Variants in HHLA2 observed in about 807,000 individuals in gnomAD.
The protein encoded by HHLA2 is HERV-H LTR-associating protein 2.
Under a neutral mutation model 45.9 loss-of-function variants are expected in HHLA2, and 48 were observed. The ratio of observed to expected loss-of-function variants is 1.05; its 90% confidence interval spans 0.83 to 1.33. The LOEUF (loss-of-function observed/expected upper bound fraction) is 1.33, where lower values mean the gene tolerates loss of function less well. Ranked by LOEUF, HHLA2 falls within the 40% of genes most tolerant of loss-of-function variation. The pLI is 0.00. For synonymous variants in HHLA2, 161 were observed against 173.9 expected (o/e 0.93, Z 0.59); for missense variants, 462 against 494.3 (o/e 0.93, Z 0.62).
chr3:108,376,753 T>C (rs2082283055), intron 10 of HHLA2, 196 bp downstream of exon 9: 1 of 494,390 alleles, frequency 2.0e-6, no homozygotes, highest in African/African-American at 2.0e-5. Flanking sequence ...AAACAGGCTC[T>C]ACTTGCTTAA....
intron 2 of HHLA2, among the ~76,000 whole-genome samples, chr3:108,319,347 C>T (rs1484245378): frequency 6.6e-6 from 1 of 152,096 alleles, no homozygotes; most frequent in East Asian, 1.9e-4. Flanking sequence ...GAGACTCTTC[C>T]CACTTGATCT....
chr3:108,377,264 T>C (rs1453394786), exon 11 of HHLA2: 2 of 1,570,784 alleles, frequency 1.3e-6, no homozygotes, highest in South Asian at 2.2e-5. Flanking sequence ...CTAGCCTCTT[T>C]CAGGAAAAGT....
chr3:108,367,557 C>G (rs898848309), intron 8 of HHLA2, among the ~76,000 whole-genome samples: 6 of 151,818 alleles, frequency 4.0e-5, no homozygotes, highest in African/African-American at 1.5e-4. Context: ...ACTCGTGAAG[C>G]ATACACAAGT....
intron 3 of HHLA2, among the ~76,000 whole-genome samples, chr3:108,350,508 A>G (rs1467920546): frequency 6.6e-6 from 1 of 152,162 alleles, no homozygotes; most frequent in Non-Finnish European, 1.5e-5. Flanking sequence ...TTTTTTAAAA[A>G]AATTGTTATT....
chr3:108,366,110 T>C (rs1192727932), intron 8 of HHLA2, among the ~76,000 whole-genome samples: 2 of 152,232 alleles, frequency 1.3e-5, no homozygotes, highest in Non-Finnish European at 2.9e-5. Context: ...ATATTGGCTA[T>C]GGGTTTGTCA....
chr3:108,341,150 A>G (rs1236400837), intron 3 of HHLA2, among the ~76,000 whole-genome samples: 1 of 151,688 alleles, frequency 6.6e-6, no homozygotes, highest in Non-Finnish European at 1.5e-5. Flanking sequence ...AAGGAGTTTC[A>G]CCATGTTGGC....
chr3:108,321,211 T>C (rs1031803031), intron 2 of HHLA2, among the ~76,000 whole-genome samples: 6 of 151,938 alleles, frequency 3.9e-5, no homozygotes, highest in South Asian at 2.1e-4. Context: ...AGCTAGCATT[T>C]TGGAATGTCT....
At chr3:108,348,528 T>C (rs977981601) in intron 3 of HHLA2, among the ~76,000 whole-genome samples, 1 of 152,110 alleles carries the variant, frequency 6.6e-6, no homozygotes, top group Non-Finnish European at 1.5e-5. Context: ...GAATTTTTTG[T>C]TTTTTCTCAT....
chr3:108,370,874 G>C (rs1016475405), intron 8 of HHLA2, among the ~76,000 whole-genome samples: 1 of 152,194 alleles, frequency 6.6e-6, no homozygotes, highest in African/African-American at 2.4e-5. Flanking sequence ...AAGTGATGGG[G>C]AGAATGGAAC....
chr3:108,375,601 A>C (rs948648290), intron 8 of HHLA2, 149 bp from the exon 8 acceptor site: 4 of 846,806 alleles, frequency 4.7e-6, no homozygotes, highest in Admixed American at 8.0e-5. Flanking sequence ...ATCAGAGCAG[A>C]AATGAAGGAG....
chr3:108,366,401 C>T (rs186288649), intron 8 of HHLA2, among the ~76,000 whole-genome samples: 58 of 152,216 alleles, frequency 3.8e-4, no homozygotes, highest in Middle Eastern at 3.4e-3. Context: ...TGAGGATTTT[C>T]GCTTTGATGT....
intron 8 of HHLA2, among the ~76,000 whole-genome samples, chr3:108,365,622 AT>A (rs1219965564): frequency 6.6e-6 from 1 of 151,174 alleles, no homozygotes; most frequent in African/African-American, 2.4e-5. Flanking sequence ...TAAGTATGAA[AT>A]TTTTTTCCAT....
chr3:108,347,536 T>C (rs1461611386), intron 3 of HHLA2, among the ~76,000 whole-genome samples: 3 of 152,164 alleles, frequency 2.0e-5, no homozygotes, highest in Non-Finnish European at 2.9e-5. Context: ...ACATTAGGTG[T>C]GGTGGGAAGC....
chr3:108,343,489 T>A (rs1020561112), intron 3 of HHLA2, among the ~76,000 whole-genome samples: 37 of 152,220 alleles, frequency 2.4e-4, no homozygotes, highest in Admixed American at 5.2e-4. Context: ...TGTACATAGG[T>A]GCAAGTACTT....
chr3:108,349,347 C>A (rs955592746), intron 3 of HHLA2, among the ~76,000 whole-genome samples: 12 of 152,148 alleles, frequency 7.9e-5, no homozygotes, highest in Non-Finnish European at 1.6e-4. Flanking sequence ...AAACTACCAT[C>A]AGATAATACT....
intron 1 of HHLA2, among the ~76,000 whole-genome samples, chr3:108,300,571 C>T (rs1318666573): frequency 6.6e-6 from 1 of 152,146 alleles, no homozygotes; most frequent in Admixed American, 6.6e-5. Flanking sequence ...GGTGAAGCTC[C>T]AGTTCTTTTC....
intron 2 of HHLA2, among the ~76,000 whole-genome samples, chr3:108,317,297 A>AT (rs1272137810): frequency 6.6e-6 from 1 of 152,176 alleles, no homozygotes. Flanking sequence ...TCTAACCAGG[A>AT]TTTTTTTAAA....
Position 108,332,293 on chromosome 3 carries a change from T to C in HHLA2, c.-27+3946T>C, listed in dbSNP as rs117959833. ...AGTGAGTTCCAATATTTTAGTGTAT[T>C]TTATGTAATTCCTTTGCAAAAAGGC... On this transcript the variant is annotated intron_variant, in intron 3 of 10. Coordinates refer to ENST00000619531, the Ensembl canonical transcript of HHLA2. Among the ~76,000 whole-genome samples the C allele has an allele frequency of 3.7e-4, 56 of 152,314 alleles. No homozygotes were observed. The East Asian group carries it at 9.4e-3, about 26-fold the overall frequency.
chr3:108,373,883 C>T (rs1435216661), intron 8 of HHLA2, among the ~76,000 whole-genome samples: 11 of 150,922 alleles, frequency 7.3e-5, no homozygotes, highest in South Asian at 2.1e-4. Flanking sequence ...GAATCAATAT[C>T]GTGAAAATGG....
Sources: gnomAD v4.1 joint callset for allele counts (sites outside exome capture counted in the v4.1 genomes callset) on GRCh38, gnomAD v4.1.1 for gene constraint, MANE v1.5 for transcripts, NCBI Gene and HGNC (gene_info 2026-07-23, HGNC 2026-07-21) for gene names.